Variants in TGFBR1 observed in about 807,000 individuals in gnomAD.
The protein encoded by TGFBR1 is TGF-beta receptor type-1.
TGFBR1 carries 20 observed loss-of-function variants against 55.1 expected under a neutral mutation model. The ratio of observed to expected loss-of-function variants is 0.36; its 90% CI spans 0.26 to 0.53. TGFBR1 has a LOEUF of 0.53. Among genes scored for constraint, TGFBR1 ranks in the 20% least tolerant of loss-of-function variants. The pLI, the probability that TGFBR1 is intolerant of heterozygous loss-of-function variation, is 0.91. For synonymous variants in TGFBR1, 220 were observed against 214.8 expected (o/e 1.02, Z -0.21); for missense variants, 385 against 617.6 (o/e 0.62, Z 3.99).
In TGFBR1 at chr9:99,110,232, C is replaced by G. The variant is rs1282331307; in HGVS notation, c.97+4930C>G. Among the ~76,000 whole-genome samples, 6 of 151,918 alleles carry G rather than the reference C, an allele frequency of 3.9e-5. No homozygotes were observed. The East Asian group carries it at 7.7e-4, about 20-fold the overall frequency. On this transcript the variant is annotated intron_variant, in intron 1 of 8. Transcript: ENST00000374994. Reference sequence around the variant, plus strand: ...GCTCCCTCAAAGAACAATTTCTAATCTAACTTAAAAAAAATTGACTTGCAA... The same window carrying G: ...GCTCCCTCAAAGAACAATTTCTAATGTAACTTAAAAAAAATTGACTTGCAA...
chr9:99,114,985 C>T (rs530141306), intron 1 of TGFBR1, among the ~76,000 whole-genome samples: 1 of 152,246 alleles, frequency 6.6e-6, no homozygotes, highest in Non-Finnish European at 1.5e-5. Flanking sequence ...ACTGGTCTCA[C>T]AGTAATCCCA....
In TGFBR1 at chr9:99,143,060, G is replaced by GA. The variant is rs569737969; in HGVS notation, c.973+366dup. 1.4e-4 allele frequency among the ~76,000 whole-genome samples: 21 copies of GA among 149,390 alleles called. 1 individual carries two copies. The highest frequency in any genetic ancestry group is 2.0e-4 in the Admixed American group (3 of 14,994). On this transcript the variant is annotated intron_variant, in intron 5 of 8. Coordinates refer to ENST00000374994, the MANE Select transcript of TGFBR1 (RefSeq NM_004612.4). ...AGTAATAGAGAGAGACCCTGTCTCA[G>GA]AAAAAAAAACAAAAACAAAAACAGT...
chr9:99,117,451 A>T (rs944687474), intron 1 of TGFBR1, among the ~76,000 whole-genome samples: 1 of 152,026 alleles, frequency 6.6e-6, no homozygotes, highest in East Asian at 1.9e-4. Flanking sequence ...TCTGACCCAA[A>T]TGTTTTAAAA....
Position 99,138,151 on chromosome 9 carries a change from T to A in TGFBR1, c.805+62T>A, listed in dbSNP as rs1827501034. The stretch of plus-strand genomic sequence containing the variant: ...CAAGATCTCTTTAAGTCTTTACAGA[T>A]ATGGTGACTAACCATCATCAAAGTA... On this transcript the variant is annotated intron_variant, in intron 4 of 8. Coordinates refer to ENST00000374994, the MANE Select transcript of TGFBR1 (RefSeq NM_004612.4). 7 of 1,416,000 alleles carry A rather than the reference T, an allele frequency of 4.9e-6. No homozygotes were observed. In the South Asian group the frequency reaches 8.1e-5, roughly 16 times the overall value. 87.7% of individuals were successfully genotyped at this position (1,416,000 alleles called of 1,614,324 possible). A position where few individuals can be genotyped will look rare whatever the true frequency, so the allele number is the denominator to read the frequency against.
At chr9:99,116,595 C>G (rs1826749825) in intron 1 of TGFBR1, among the ~76,000 whole-genome samples, 1 of 152,186 alleles carries the variant, frequency 6.6e-6, no homozygotes. Flanking sequence ...GGTGTTGTAT[C>G]ATCAGTTATC....
chr9:99,104,656 T>C (rs942143740), upstream of TGFBR1, among the ~76,000 whole-genome samples: 9 of 152,020 alleles, frequency 5.9e-5, no homozygotes, highest in Non-Finnish European at 1.3e-4. Flanking sequence ...GTGCTGGGAT[T>C]GCCAATGCGG....
chr9:99,149,039 A>T, intron 8 of TGFBR1, 141 bp from the exon 9 acceptor site: 1 of 868,130 alleles, frequency 1.2e-6, no homozygotes, highest in Non-Finnish European at 1.8e-6. Context: ...TGTAATTTCT[A>T]CTCATTTGCT....
At chr9:99,114,060 C>G (rs1355285456) in intron 1 of TGFBR1, among the ~76,000 whole-genome samples, 1 of 152,152 alleles carries the variant, frequency 6.6e-6, no homozygotes, top group Non-Finnish European at 1.5e-5. Flanking sequence ...CTAAATATCC[C>G]TAGGATTCAT....
At chr9:99,147,420 A>G (rs991630272) in intron 7 of TGFBR1, among the ~76,000 whole-genome samples, 17 of 152,176 alleles carry the variant, frequency 1.1e-4, no homozygotes, top group African/African-American at 2.7e-4. Context: ...TGTCATTTCA[A>G]ATAGGCTTTA....
chr9:99,154,095 G>T lies in TGFBR1; in HGVS notation c.*4790G>T. On this transcript the variant is annotated 3_prime_UTR_variant, in exon 9 of 9. Transcript: ENST00000374994. ...TACTTCAATTTGAAGGCTGGATTTA[G>T]GGATTTTTTTTTTTCCTTATAACAA... The T allele has an allele frequency of 4.4e-6, 1 of 227,418 alleles. No homozygotes were observed. The highest frequency in any genetic ancestry group is 8.7e-6 in the Non-Finnish European group (1 of 114,654). The allele number at this position is 227,418 out of a possible 1,614,324, so 14.1% of individuals were successfully genotyped here. A position where few individuals can be genotyped will look rare whatever the true frequency, so the allele number is the denominator to read the frequency against.
At chr9:99,131,900 G>A (rs1046648204) in intron 2 of TGFBR1, among the ~76,000 whole-genome samples, 2 of 151,826 alleles carry the variant, frequency 1.3e-5, no homozygotes, top group Non-Finnish European at 2.9e-5. Flanking sequence ...CCCGGGAGGC[G>A]GAGGTTGCAG....
At chr9:99,142,419 A>C (rs985915324) in intron 4 of TGFBR1, 117 bp from the exon 5 acceptor site, 2 of 1,072,586 alleles carry the variant, frequency 1.9e-6, no homozygotes, top group Non-Finnish European at 2.9e-6. Flanking sequence ...ATACAGACTT[A>C]AGGTGGCATT....
intron 8 of TGFBR1, 26 bp from the exon 9 acceptor site, chr9:99,149,154 A>G (rs201270420): frequency 9.4e-7 from 1 of 1,064,958 alleles, no homozygotes. Flanking sequence ...GCATGCATTA[A>G]TTTTTTTTTT....
At chr9:99,146,717 A>T (rs1019063258) in intron 7 of TGFBR1, 108 bp downstream of exon 7, 1 of 1,542,162 alleles carries the variant, frequency 6.5e-7, no homozygotes, top group African/African-American at 1.4e-5. Flanking sequence ...TATCTGAAAC[A>T]GGATGTCACC....
At chr9:99,137,124 A>G (rs972604894) in intron 3 of TGFBR1, among the ~76,000 whole-genome samples, 1 of 152,204 alleles carries the variant, frequency 6.6e-6, no homozygotes, top group African/African-American at 2.4e-5. Context: ...TCCATTACCA[A>G]GGTAAGTTAC....
At chr9:99,127,364 C>G (rs571592615) in intron 1 of TGFBR1, among the ~76,000 whole-genome samples, 1 of 152,256 alleles carries the variant, frequency 6.6e-6, no homozygotes, top group African/African-American at 2.4e-5. Context: ...GGCTTCAGCC[C>G]CTCAGACTTC....
chr9:99,148,242 A>G (rs1827863777), intron 8 of TGFBR1, among the ~76,000 whole-genome samples: 1 of 152,218 alleles, frequency 6.6e-6, no homozygotes, highest in African/African-American at 2.4e-5. Flanking sequence ...AGGTGTTTCA[A>G]ATGATTTTCC....
At chr9:99,104,746 G>GAACGGCC (rs1826347190), upstream of TGFBR1, among the ~76,000 whole-genome samples, 1 of 152,190 alleles carries the variant, frequency 6.6e-6, no homozygotes, top group African/African-American at 2.4e-5. Flanking sequence ...AAAGAGCGTC[G>GAACGGCC]AACGGCCACA....
At chr9:99,113,309 A>C (rs1173248433) in intron 1 of TGFBR1, among the ~76,000 whole-genome samples, 1 of 152,164 alleles carries the variant, frequency 6.6e-6, no homozygotes, top group Non-Finnish European at 1.5e-5. Context: ...TGTCAGCTTT[A>C]CTATCTCCTG....
Sources: allele counts gnomAD v4.1 joint callset (sites outside exome capture counted in the v4.1 genomes callset), GRCh38; gene constraint gnomAD v4.1.1; transcripts MANE v1.5; gene names NCBI Gene and HGNC (gene_info 2026-07-23, HGNC 2026-07-21).